Variants in SNTG2 observed in about 807,000 individuals in gnomAD.
The protein encoded by SNTG2 is syntrophin gamma 2, also known as gamma-2-syntrophin.
SNTG2 carries 74 observed loss-of-function variants against 70.9 expected under a neutral mutation model. The ratio of observed to expected loss-of-function variants is 1.04; its 90% CI spans 0.86 to 1.27. SNTG2 has a LOEUF of 1.27. Among genes scored for constraint, SNTG2 ranks in the 50% most tolerant of loss-of-function variants. The pLI, the probability that SNTG2 is intolerant of heterozygous loss-of-function variation, is 0.00. For synonymous variants in SNTG2, 278 were observed against 273.8 expected, an observed-to-expected ratio of 1.02 and a Z score of -0.15; for missense variants, 717 against 690.7, an observed-to-expected ratio of 1.04 and a Z score of -0.43.
intron 11 of SNTG2, among the ~76,000 whole-genome samples, chr2:1,246,549 G>T (rs1006209086): frequency 1.3e-5 from 2 of 152,196 alleles, no homozygotes; most frequent in Non-Finnish European, 2.9e-5. Flanking sequence ...TGGTAAAGTG[G>T]TTGGGATCTC....
At chr2:1,117,948 G>A (rs1667142107) in intron 4 of SNTG2, among the ~76,000 whole-genome samples, 1 of 152,124 alleles carries the variant, frequency 6.6e-6, no homozygotes, top group Non-Finnish European at 1.5e-5. Context: ...TATCCCAAGA[G>A]CTGAGCTTCT....
At chr2:1,290,517 G>A (rs1221078973) in intron 14 of SNTG2, among the ~76,000 whole-genome samples, 1 of 152,156 alleles carries the variant, frequency 6.6e-6, no homozygotes, top group African/African-American at 2.4e-5. Context: ...GTTTTGCCAT[G>A]TTGTCCAGAC....
intron 15 of SNTG2, among the ~76,000 whole-genome samples, chr2:1,313,966 T>A (rs10191546): frequency 0.54 from 82,462 of 152,100 alleles, 22,426 homozygotes; most frequent in Middle Eastern, 0.67. Flanking sequence ...CAATGGACCA[T>A]AAAGACAATA....
At chr2:1,066,092 A>G (rs190558039) in intron 1 of SNTG2, among the ~76,000 whole-genome samples, 1 of 152,314 alleles carries the variant, frequency 6.6e-6, no homozygotes, top group Non-Finnish European at 1.5e-5. Flanking sequence ...TTATTAATCA[A>G]AATAGGAGCC....
At chr2:1,137,934 A>C in intron 6 of SNTG2, 125 bp downstream of exon 6, 2 of 966,230 alleles carry the variant, frequency 2.1e-6, no homozygotes, top group Non-Finnish European at 3.2e-6. Flanking sequence ...AGAAAGCTCA[A>C]AGGTTTAGTA....
At chr2:1,002,690 CAA>C (rs34877197) in intron 1 of SNTG2, among the ~76,000 whole-genome samples, 114 of 117,768 alleles carry the variant, frequency 9.7e-4, no homozygotes, top group African/African-American at 2.7e-3. Context: ...GAATATTTCT[CAA>C]AAAAAAAAAA....
intron 1 of SNTG2, among the ~76,000 whole-genome samples, chr2:967,757 G>A (rs1037336984): frequency 2.6e-5 from 4 of 152,108 alleles, no homozygotes; most frequent in African/African-American, 9.7e-5. Context: ...TGCCAGGCAC[G>A]GTGGCTCACG....
intron 14 of SNTG2, 52 bp downstream of exon 14, chr2:1,267,623 A>G: frequency 6.7e-7 from 1 of 1,502,046 alleles, no homozygotes; most frequent in Non-Finnish European, 9.2e-7. Context: ...GGTGTCTGAG[A>G]CATAGCATTG....
intron 9 of SNTG2, among the ~76,000 whole-genome samples, chr2:1,234,036 C>T (rs766093428): frequency 5.9e-5 from 9 of 152,080 alleles, no homozygotes; most frequent in South Asian, 2.1e-4. Flanking sequence ...ATTTTAGCTC[C>T]GATAATGACC....
At chr2:1,179,613 A>G (rs1378635881) in intron 8 of SNTG2, among the ~76,000 whole-genome samples, 2 of 152,040 alleles carry the variant, frequency 1.3e-5, no homozygotes, top group African/African-American at 4.8e-5. Flanking sequence ...GGTAGGAAGA[A>G]TCAATATCGT....
chr2:1,053,312 T>C (rs1216876602), intron 1 of SNTG2, among the ~76,000 whole-genome samples: 6 of 102,128 alleles, frequency 5.9e-5, no homozygotes, highest in Non-Finnish European at 3.6e-5. Flanking sequence ...GCATTAAAAG[T>C]TTTTTTTATT....
At chr2:1,293,791 A>G (rs1222096858) in intron 14 of SNTG2, among the ~76,000 whole-genome samples, 1 of 152,150 alleles carries the variant, frequency 6.6e-6, no homozygotes, top group Non-Finnish European at 1.5e-5. Context: ...CTTGTAAAGT[A>G]TGATATCTAC....
In SNTG2 at chr2:1,164,975, T is replaced by C. The variant is rs147836574; in HGVS notation, c.412-573T>C. 1.4e-3 allele frequency among the ~76,000 whole-genome samples: 217 copies of C among 152,342 alleles called. 1 individual carries two copies. Among genetic ancestry groups the C allele is most frequent in the African/African-American group, 5.1e-3 (210 of 41,572 alleles). The stretch of plus-strand genomic sequence containing the variant: ...CAGATTTAAACAATGGCAAATACAT[T>C]GTGCACAAAAAGCTGATTTTAGATG... On this transcript the variant is annotated intron_variant, in intron 6 of 16. Coordinates refer to ENST00000308624, the MANE Select transcript of SNTG2 (RefSeq NM_018968.4).
intron 14 of SNTG2, among the ~76,000 whole-genome samples, chr2:1,270,047 A>T (rs1214634839): frequency 6.6e-6 from 1 of 152,122 alleles, no homozygotes; most frequent in Non-Finnish European, 1.5e-5. Context: ...CCCCGGGTGG[A>T]TGCTTCCTTG....
At chr2:1,196,818 T>C (rs1460074223) in intron 8 of SNTG2, among the ~76,000 whole-genome samples, 1 of 152,056 alleles carries the variant, frequency 6.6e-6, no homozygotes, top group African/African-American at 2.4e-5. Flanking sequence ...TGAAGTCTTC[T>C]CAGACAAGCA....
At chr2:1,237,042 AGGAGATTC>A (rs1676706756) in intron 9 of SNTG2, among the ~76,000 whole-genome samples, 1 of 151,138 alleles carries the variant, frequency 6.6e-6, no homozygotes. Context: ...TCCTGGGTTC[AGGAGATTC>A]TCCTGCCGTA....
intron 6 of SNTG2, among the ~76,000 whole-genome samples, chr2:1,162,265 C>A (rs531926193): frequency 8.5e-4 from 129 of 152,244 alleles, no homozygotes; most frequent in Admixed American, 3.1e-3. Context: ...AATAGACTCA[C>A]TTACCTCGGG....
Position 1,302,043 on chromosome 2 carries a change from C to T in SNTG2, c.1285-6451C>T, listed in dbSNP as rs189930846. 2.5e-4 allele frequency among the ~76,000 whole-genome samples: 38 copies of T among 151,194 alleles called. No individual in the cohort carries two copies. In the East Asian group the frequency reaches 6.9e-3, roughly 27 times the overall value. ...GTGGTGTGATCTCGGCTCACTGCAA[C>T]CTCCGCCTCCCAGGTTGAAGAGATT... On this transcript the variant is annotated intron_variant, in intron 14 of 16. Transcript: ENST00000308624.
At chr2:1,257,183 GCAGCA>G (rs1678167419) in intron 12 of SNTG2, among the ~76,000 whole-genome samples, 1 of 152,076 alleles carries the variant, frequency 6.6e-6, no homozygotes, top group South Asian at 2.1e-4. Context: ...TCTCAGGGTG[GCAGCA>G]TTTTCTTCAA....
Sources: allele counts gnomAD v4.1 joint callset (sites outside exome capture counted in the v4.1 genomes callset), GRCh38; gene constraint gnomAD v4.1.1; transcripts MANE v1.5; gene names NCBI Gene and HGNC (gene_info 2026-07-23, HGNC 2026-07-21).